Variants in QPCT observed in about 807,000 individuals in gnomAD.
QPCT encodes the protein EC.
A neutral mutation model predicts 43.4 loss-of-function variants in QPCT; 44 were observed. The ratio of observed to expected loss-of-function variants is 1.01; its 90% CI spans 0.80 to 1.30. QPCT has a LOEUF of 1.30. Ranked by LOEUF, QPCT falls within the 50% of genes most tolerant of loss-of-function variation. The probability of loss-of-function intolerance (pLI) is 0.00; values close to 1 mark genes in which losing one functional copy is unlikely to be tolerated. For missense variants in QPCT, 526 were observed against 436.5 expected (o/e 1.21, Z -1.83); for synonymous variants, 168 against 168.4 (o/e 1.00, Z 0.02).
In QPCT at chr2:37,358,079, G is replaced by A. The variant is rs183379301; in HGVS notation, c.268-1501G>A. Among the ~76,000 whole-genome samples, 259 of 149,708 alleles carry A rather than the reference G, an allele frequency of 1.7e-3. 1 individual carries two copies. Among genetic ancestry groups the A allele is most frequent in the Non-Finnish European group, 2.7e-3 (184 of 67,690 alleles). On this transcript the variant is annotated intron_variant, in intron 2 of 6. Transcript: ENST00000338415. ...TTGACTTTTTATAAAAATAATTTAA[G>A]GCAATTTACAATGATGTATATGATA... is the stretch of plus-strand genomic sequence containing the variant.
At chr2:37,364,940 C>G (rs1264854248) in intron 3 of QPCT, among the ~76,000 whole-genome samples, 1 of 148,888 alleles carries the variant, frequency 6.7e-6, no homozygotes, top group African/African-American at 2.5e-5. Flanking sequence ...TATAATATAA[C>G]ATATAATATG....
intron 4 of QPCT, among the ~76,000 whole-genome samples, chr2:37,368,067 T>C (rs1047177883): frequency 1.3e-5 from 2 of 152,034 alleles, no homozygotes; most frequent in East Asian, 3.9e-4. Flanking sequence ...CTGAAGAACA[T>C]GGGGCTTTGG....
chr2:37,359,541 T>A lies in QPCT; in HGVS notation c.268-39T>A, dbSNP rs772652223. The A allele has an allele frequency of 1.2e-5, 19 of 1,561,678 alleles. No homozygotes were observed. The African/African-American group carries it at 1.9e-4, about 16-fold the overall frequency. On this transcript the variant is annotated intron_variant, in intron 2 of 6. Coordinates refer to ENST00000338415, the MANE Select transcript of QPCT (RefSeq NM_012413.4). ...TCACAGTTAACAAATGAAAGCCATT[T>A]CTTTAGATCTAAATTTTTTGTTTTT... is the stretch of plus-strand genomic sequence containing the variant.
Position 37,347,218 on chromosome 2 carries a change from C to CATATAT in QPCT, c.120+2373_120+2378dup, listed in dbSNP as rs74206514. On this transcript the variant is annotated intron_variant, in intron 1 of 6. Coordinates refer to ENST00000338415, the MANE Select transcript of QPCT (RefSeq NM_012413.4). ...ACATATATATATAACATATATATAA[C>CATATAT]ATATATATATAACATATATATATAT... 1.3e-4 allele frequency among the ~76,000 whole-genome samples: 8 copies of CATATAT among 62,368 alleles called. 1 individual carries two copies. The highest frequency in any genetic ancestry group is 4.8e-4 in the South Asian group (1 of 2,072). The allele number at this position is 62,368 out of a possible 152,430, so 40.9% of individuals were successfully genotyped here.
At chr2:37,362,559 AT>A (rs1361212530) in intron 3 of QPCT, among the ~76,000 whole-genome samples, 4 of 152,174 alleles carry the variant, frequency 2.6e-5, no homozygotes, top group African/African-American at 9.7e-5. Flanking sequence ...GATAAAGACA[AT>A]TTTTTTCTCT....
chr2:37,372,305 C>A, intron 5 of QPCT, 51 bp from the exon 6 acceptor site: 1 of 1,279,802 alleles, frequency 7.8e-7, no homozygotes, highest in Non-Finnish European at 1.1e-6. Flanking sequence ...CATTATGAGT[C>A]TTGATAAGAT....
intron 4 of QPCT, chr2:37,368,723 G>C (rs1673014420): frequency 4.2e-6 from 2 of 470,776 alleles, no homozygotes; most frequent in African/African-American, 4.0e-5. Flanking sequence ...ATATTCACAA[G>C]AGGAGACGCC....
chr2:37,369,306 G>A (rs1442322627), intron 4 of QPCT, among the ~76,000 whole-genome samples: 2 of 152,148 alleles, frequency 1.3e-5, no homozygotes, highest in African/African-American at 4.8e-5. Context: ...TACAGATTAA[G>A]GATAAAATGG....
At chr2:37,344,903 A>G (rs1022748538) in intron 1 of QPCT, 52 bp downstream of exon 1, 12 of 1,499,738 alleles carry the variant, frequency 8.0e-6, no homozygotes, top group South Asian at 1.3e-5. Context: ...GTCCGATGCG[A>G]GGACCCCTGG....
At chr2:37,355,225 C>T (rs1207324947) in intron 2 of QPCT, among the ~76,000 whole-genome samples, 1 of 152,022 alleles carries the variant, frequency 6.6e-6, no homozygotes, top group African/African-American at 2.4e-5. Flanking sequence ...AGAAAATTAC[C>T]ATTAATTTTT....
chr2:37,348,675 G>T (rs936513422), intron 1 of QPCT, among the ~76,000 whole-genome samples: 1 of 152,152 alleles, frequency 6.6e-6, no homozygotes, highest in Admixed American at 6.5e-5. Context: ...GATTAGCCTA[G>T]AAGAGATGCT....
chr2:37,372,954 A>C lies in QPCT; in HGVS notation c.*127A>C, dbSNP rs1344770078. On this transcript the variant is annotated 3_prime_UTR_variant, in exon 7 of 7. Coordinates refer to ENST00000338415, the MANE Select transcript of QPCT (RefSeq NM_012413.4). Reference sequence around the variant, plus strand: ...CTATCCTATAGATCATCCTATTCTTATGTGTCTTTGGTTATCAGATCAATT... The same window carrying C: ...CTATCCTATAGATCATCCTATTCTTCTGTGTCTTTGGTTATCAGATCAATT... 21 of 781,134 alleles carry C rather than the reference A, an allele frequency of 2.7e-5. No individual in the cohort carries two copies. Among genetic ancestry groups the C allele is most frequent in the Non-Finnish European group, 4.0e-5 (21 of 522,158 alleles). 48.4% of individuals were successfully genotyped at this position (781,134 alleles called of 1,614,324 possible). A position where few individuals can be genotyped will look rare whatever the true frequency, so the allele number is the denominator to read the frequency against.
intron 4 of QPCT, among the ~76,000 whole-genome samples, chr2:37,367,730 G>C (rs545183221): frequency 1.3e-5 from 2 of 152,032 alleles, no homozygotes; most frequent in African/African-American, 4.8e-5. Flanking sequence ...TAATTAGCTG[G>C]GTGTTGTGTA....
intron 1 of QPCT, among the ~76,000 whole-genome samples, chr2:37,347,220 T>A (rs1360666767): frequency 1.4e-5 from 1 of 70,250 alleles, no homozygotes; most frequent in South Asian, 4.4e-4. Flanking sequence ...ATATATAACA[T>A]ATATATATAA....
In QPCT at chr2:37,369,777, A is replaced by T; in HGVS notation, c.816A>T (p.Gln272His). ...PNSARWFERLQAIEHELHELG... is the reference protein window; with the variant it reads ...PNSARWFERLHAIEHELHELG... ...CAGCCAGGTGGTTCGAAAGACTTCA[A>T]GCAATTGGTAAGCACCACTGTTATT... Residue 272 changes from glutamine to histidine, a missense_variant, in exon 5 of 7, where the codon CAA (glutamine) becomes CAT (histidine). Physicochemically the swap from Gln to His is conservative, Grantham distance 24 (BLOSUM62 0). Coordinates refer to ENST00000338415, the MANE Select transcript of QPCT (RefSeq NM_012413.4). The T allele has an allele frequency of 6.4e-7, 1 of 1,573,014 alleles. No individual in the cohort carries two copies. Among genetic ancestry groups the T allele is most frequent in the Non-Finnish European group, 8.8e-7 (1 of 1,142,630 alleles).
intron 4 of QPCT, among the ~76,000 whole-genome samples, chr2:37,368,901 AAAG>A (rs1183483176): frequency 5.3e-5 from 8 of 152,198 alleles, no homozygotes; most frequent in African/African-American, 1.9e-4. Flanking sequence ...TTCCTATTTC[AAAG>A]AAGCCTATTT....
At chr2:37,347,638 T>A (rs1672532571) in intron 1 of QPCT, among the ~76,000 whole-genome samples, 1 of 152,150 alleles carries the variant, frequency 6.6e-6, no homozygotes, top group Admixed American at 6.5e-5. Flanking sequence ...TCATGCAGCT[T>A]AAAGGTCATC....
chr2:37,355,014 T>C (rs1472795037), intron 2 of QPCT, among the ~76,000 whole-genome samples: 1 of 152,202 alleles, frequency 6.6e-6, no homozygotes, highest in Non-Finnish European at 1.5e-5. Context: ...TTGTTGTAGT[T>C]AAAAAGATAC....
chr2:37,370,208 T>G (rs991070096), intron 5 of QPCT, among the ~76,000 whole-genome samples: 10 of 152,102 alleles, frequency 6.6e-5, no homozygotes, highest in Non-Finnish European at 1.3e-4. Flanking sequence ...AAATTATAAT[T>G]TAAGTATATG....
Sources: gnomAD v4.1 joint callset for allele counts (sites outside exome capture counted in the v4.1 genomes callset) on GRCh38, gnomAD v4.1.1 for gene constraint, MANE v1.5 for transcripts, NCBI Gene and HGNC (gene_info 2026-07-23, HGNC 2026-07-21) for gene names.